The following PPP3CC variants were observed in gnomAD, a reference collection of about 807,000 sequenced individuals.
The protein encoded by PPP3CC is protein phosphatase 3 catalytic subunit gamma, also known as serine/threonine-protein phosphatase 2B catalytic subunit gamma isoform.
In PPP3CC, 35 loss-of-function variants were observed where a neutral mutation model predicts 60.3. The observed-to-expected ratio is 0.58, with a 90% CI of 0.44 to 0.77. The LOEUF (loss-of-function observed/expected upper bound fraction) is 0.77. PPP3CC is among the 30% of genes least tolerant of loss of function. The pLI is 0.00. For synonymous variants in PPP3CC, 206 were observed against 224.3 expected, an observed-to-expected ratio of 0.92 and a Z score of 0.73; for missense variants, 570 against 628.9, an observed-to-expected ratio of 0.91 and a Z score of 1.00.
At chr8:22,492,883 C>T in intron 3 of PPP3CC, 1 of 1,120,846 alleles carries the variant, frequency 8.9e-7, no homozygotes, top group Non-Finnish European at 1.4e-6. Flanking sequence ...ACAGGCCATG[C>T]TGAGACAAAG....
chr8:22,517,479 C>T (rs931188417), intron 6 of PPP3CC, among the ~76,000 whole-genome samples: 6 of 152,060 alleles, frequency 3.9e-5, no homozygotes, highest in African/African-American at 1.4e-4. Context: ...ACCCATGAAA[C>T]CATCTGGTCC....
At chr8:22,450,936 G>A (rs960329527) in intron 1 of PPP3CC, among the ~76,000 whole-genome samples, 1 of 149,422 alleles carries the variant, frequency 6.7e-6, no homozygotes, top group Non-Finnish European at 1.5e-5. Context: ...CCGGATTCAC[G>A]CCATTCTCCT....
intron 3 of PPP3CC, among the ~76,000 whole-genome samples, chr8:22,479,395 T>C (rs1373269995): frequency 6.6e-6 from 1 of 152,142 alleles, no homozygotes; most frequent in Non-Finnish European, 1.5e-5. Context: ...TGAGAGCATT[T>C]TGTACGCTCC....
intron 1 of PPP3CC, among the ~76,000 whole-genome samples, chr8:22,456,671 G>A (rs1181982966): frequency 6.6e-6 from 1 of 152,140 alleles, no homozygotes; most frequent in East Asian, 1.9e-4. Flanking sequence ...CATATAGGTA[G>A]CATAACTACC....
intron 1 of PPP3CC, among the ~76,000 whole-genome samples, chr8:22,455,327 A>G (rs139254086): frequency 1.2e-4 from 19 of 152,294 alleles, no homozygotes; most frequent in African/African-American, 4.6e-4. Context: ...GACTAATCCC[A>G]CTGCAAAAGG....
intron 3 of PPP3CC, among the ~76,000 whole-genome samples, chr8:22,489,454 A>G (rs1838314698): frequency 6.6e-6 from 1 of 151,166 alleles, no homozygotes; most frequent in Admixed American, 6.7e-5. Flanking sequence ...TAATGTATAT[A>G]TGAATGAATG....
chr8:22,451,780 A>T (rs1407499129), intron 1 of PPP3CC, among the ~76,000 whole-genome samples: 2 of 152,260 alleles, frequency 1.3e-5, no homozygotes, highest in Non-Finnish European at 2.9e-5. Flanking sequence ...GCACAAAATT[A>T]TTAAAAATAT....
chr8:22,500,781 C>G (rs1838738732), intron 4 of PPP3CC, among the ~76,000 whole-genome samples: 1 of 152,166 alleles, frequency 6.6e-6, no homozygotes, highest in Non-Finnish European at 1.5e-5. Context: ...CCTTCCAGCC[C>G]TTGGTGACTT....
intron 8 of PPP3CC, among the ~76,000 whole-genome samples, chr8:22,525,372 T>C (rs114236411): frequency 0.01 from 1,598 of 152,210 alleles, 23 homozygotes; most frequent in African/African-American, 0.034. Flanking sequence ...AAGGGAACTC[T>C]ATTATTCTTT....
intron 1 of PPP3CC, among the ~76,000 whole-genome samples, chr8:22,471,372 A>G (rs1586807230): frequency 6.6e-6 from 1 of 150,632 alleles, no homozygotes; most frequent in East Asian, 1.9e-4. Context: ...TAATACAGTC[A>G]TGCATCCGAG....
chr8:22,484,275 AT>A (rs1406371883), intron 3 of PPP3CC, among the ~76,000 whole-genome samples: 1 of 152,098 alleles, frequency 6.6e-6, no homozygotes, highest in Admixed American at 6.6e-5. Context: ...ATCAGAATAA[AT>A]TTTTTTAGGG....
chr8:22,531,945 C>T (rs1369541097), intron 10 of PPP3CC, among the ~76,000 whole-genome samples: 2 of 152,190 alleles, frequency 1.3e-5, no homozygotes, highest in Non-Finnish European at 2.9e-5. Flanking sequence ...CTGTGCTCTA[C>T]GTTTCACAAC....
At chr8:22,454,130 T>G (rs1409739543) in intron 1 of PPP3CC, among the ~76,000 whole-genome samples, 1 of 152,130 alleles carries the variant, frequency 6.6e-6, no homozygotes, top group Non-Finnish European at 1.5e-5. Flanking sequence ...GTACTCATAC[T>G]TAGCTTAAAA....
At chr8:22,452,805 C>T (rs115506822) in intron 1 of PPP3CC, among the ~76,000 whole-genome samples, 159 of 139,982 alleles carry the variant, frequency 1.1e-3, no homozygotes, top group African/African-American at 3.1e-3. Context: ...GTGCTGCTGC[C>T]GCCATCGCTA....
chr8:22,492,833 C>T, intron 3 of PPP3CC: 1 of 986,116 alleles, frequency 1.0e-6, no homozygotes, highest in Non-Finnish European at 1.6e-6. Context: ...AACAGTGATC[C>T]ACTTTAACAG....
intron 3 of PPP3CC, 96 bp downstream of exon 3, chr8:22,475,720 G>T: frequency 8.4e-7 from 1 of 1,188,796 alleles, no homozygotes. Flanking sequence ...GAGAACTCTG[G>T]CAGAATTTAT....
At chr8:22,453,852 A>T (rs540033091) in intron 1 of PPP3CC, among the ~76,000 whole-genome samples, 1 of 152,336 alleles carries the variant, frequency 6.6e-6, no homozygotes, top group Non-Finnish European at 1.5e-5. Flanking sequence ...AAAGTACAGT[A>T]TTAAAGATAA....
intron 1 of PPP3CC, among the ~76,000 whole-genome samples, chr8:22,473,220 C>G (rs1328170555): frequency 6.6e-6 from 1 of 152,128 alleles, no homozygotes; most frequent in Non-Finnish European, 1.5e-5. Context: ...GGACATATAT[C>G]AGAAATTCAA....
At chr8:22,456,268 A>C (rs1837192461) in intron 1 of PPP3CC, among the ~76,000 whole-genome samples, 1 of 152,222 alleles carries the variant, frequency 6.6e-6, no homozygotes, top group Non-Finnish European at 1.5e-5. Context: ...ATGCAGATCT[A>C]CATCAGATTT....
Sources: gnomAD v4.1 joint callset for allele counts (sites outside exome capture counted in the v4.1 genomes callset) on GRCh38, gnomAD v4.1.1 for gene constraint, MANE v1.5 for transcripts, NCBI Gene and HGNC (gene_info 2026-07-23, HGNC 2026-07-21) for gene names.